RPTOR: variants seen among roughly 807,000 people sequenced by gnomAD.
RPTOR encodes the protein regulatory associated protein of MTOR complex 1.
RPTOR carries 21 observed loss-of-function variants against 169.9 expected under a neutral mutation model. The observed-to-expected ratio is 0.12, with a 90% CI of 0.09 to 0.18. RPTOR has a LOEUF of 0.18. Among genes scored for constraint, RPTOR ranks in the 10% least tolerant of loss-of-function variants. RPTOR has a pLI of 1.00. For synonymous variants in RPTOR, 732 were observed against 753.2 expected (o/e 0.97, Z 0.46); for missense variants, 1,133 against 1,855.9 (o/e 0.61, Z 7.16).
At position 80,908,949 on chromosome 17, in the gene RPTOR, C is replaced by CA; in HGVS notation, c.2520+21dup. 1 of 1,538,138 alleles carries CA rather than the reference C, an allele frequency of 6.5e-7. No homozygotes were observed. The highest frequency in any genetic ancestry group is 1.1e-5 in the South Asian group (1 of 89,384). On this transcript the variant is annotated intron_variant, in intron 21 of 33. Transcript: ENST00000306801. ...TACAAGGTACGTGCCGGGCGCTCCC[C>CA]ACCGCGCTCCAGCTGCTGGTTCTCG... is the stretch of plus-strand genomic sequence containing the variant.
Position 80,545,757 on chromosome 17 carries a change from A to G in RPTOR, c.128A>G (p.Lys43Arg), listed in dbSNP as rs749504457. ...KRHCEKIEGS[K>R]SLAQSWRMKD... ...CACTGTGAGAAAATTGAAGGCTCCA[A>G]ATCCTTAGCTCAGAGCTGGAGGATG... The change falls in exon 1 of 34, where the codon AAA becomes AGA. Residue 43 changes from lysine (K) to arginine (R), a missense_variant. Physicochemically the swap from Lys to Arg is conservative, Grantham distance 26. This residue lies in a region of RPTOR where 47 missense variants were observed against 59.5 expected (regional missense o/e 0.79). Transcript: ENST00000306801. The G allele has an allele frequency of 2.5e-5, 40 of 1,613,708 alleles. No individual in the cohort carries two copies. Among genetic ancestry groups the G allele is most frequent in the Non-Finnish European group, 3.2e-5 (38 of 1,179,882 alleles).
At position 80,730,565 on chromosome 17, in the gene RPTOR, C is replaced by T. The variant is rs1265925108; in HGVS notation, c.513C>T (p.Tyr171=). ...GCACTTTGTGTGTTTTCTAGAACTA[C>T]ACGCAGTACATCCCTCTGTCCATAT... ...NGEVWVFNKN[Y]TQYIPLSIYD... is the part of the protein sequence containing the mutation. The change falls in exon 5 of 34, where the codon TAC becomes TAT. Residue 171 remains tyrosine (Y), a synonymous_variant. Coordinates refer to ENST00000306801, the MANE Select transcript of RPTOR (RefSeq NM_020761.3). This position sits in a 1 kb window ranked among gnomAD's most constrained non-coding sequence, Gnocchi z 4.2. The T allele has an allele frequency of 2.9e-5, 46 of 1,613,732 alleles. No individual in the cohort carries two copies. The highest frequency in any genetic ancestry group is 3.8e-5 in the Non-Finnish European group (45 of 1,179,712).
chr17:80,635,707 G>A (rs2065500800), intron 2 of RPTOR, among the ~76,000 whole-genome samples: 1 of 152,182 alleles, frequency 6.6e-6, no homozygotes, highest in African/African-American at 2.4e-5. Context: ...TGCCAAAGAG[G>A]AGGACCAGGG....
chr17:80,664,546 C>G (rs1346639009), intron 3 of RPTOR, among the ~76,000 whole-genome samples: 1 of 152,120 alleles, frequency 6.6e-6, no homozygotes, highest in East Asian at 1.9e-4. Context: ...CTTCCTCACC[C>G]CACTCTTCCC....
chr17:80,712,052 T>A (rs568283251), intron 4 of RPTOR, among the ~76,000 whole-genome samples: 2 of 152,282 alleles, frequency 1.3e-5, no homozygotes, highest in African/African-American at 4.8e-5. Context: ...CAGTCTTTTT[T>A]AAAATAATAG....
intron 1 of RPTOR, among the ~76,000 whole-genome samples, chr17:80,598,882 T>TTCAATCTATCTATCTA (rs1555593591): frequency 3.4e-5 from 5 of 146,758 alleles, no homozygotes; most frequent in African/African-American, 1.3e-4. Flanking sequence ...TCTTGATTCT[T>TTCAATCTATCTATCTA]TCTATCTATC....
At chr17:80,780,790 C>G (rs1408157933) in intron 6 of RPTOR, among the ~76,000 whole-genome samples, 1 of 152,168 alleles carries the variant, frequency 6.6e-6, no homozygotes, top group Non-Finnish European at 1.5e-5. Context: ...GGGGGCCTCA[C>G]TCACACAGCC....
chr17:80,665,967 C>T (rs1056985507), intron 3 of RPTOR, among the ~76,000 whole-genome samples: 3 of 152,212 alleles, frequency 2.0e-5, no homozygotes, highest in African/African-American at 7.2e-5. Flanking sequence ...CTCTCCCTCC[C>T]ATCTGCCTGT....
intron 28 of RPTOR, among the ~76,000 whole-genome samples, chr17:80,953,535 C>T (rs117045048): frequency 0.039 from 5,871 of 152,342 alleles, 181 homozygotes; most frequent in Non-Finnish European, 0.054. Context: ...AGAGTGGGGC[C>T]TCAGGGCCTC....
intron 2 of RPTOR, among the ~76,000 whole-genome samples, chr17:80,642,566 G>A (rs909474464): frequency 6.6e-6 from 1 of 152,150 alleles, no homozygotes; most frequent in African/African-American, 2.4e-5. Flanking sequence ...GATGATCAAT[G>A]CATGATGATA....
chr17:80,847,336 A>G (rs1008032420), intron 11 of RPTOR, among the ~76,000 whole-genome samples: 2 of 152,236 alleles, frequency 1.3e-5, no homozygotes, highest in South Asian at 2.1e-4. Flanking sequence ...ATGGGAGGCC[A>G]TGGAAATTGA....
At position 80,846,454 on chromosome 17, in the gene RPTOR, T is replaced by C. The variant is rs2067731681; in HGVS notation, c.1213-19T>C. ...TGGGAACATGGCCCTAACAAGCACC[T>C]GTTCTGCTTGCCCCGCAGCACAGCC... On this transcript the variant is annotated intron_variant, in intron 10 of 33. Transcript: ENST00000306801. 7.4e-6 allele frequency: 12 copies of C among 1,611,538 alleles called. No homozygotes were observed. The highest frequency in any genetic ancestry group is 2.2e-5 in the South Asian group (2 of 91,024).
At chr17:80,744,827 A>T (rs1419382793) in intron 5 of RPTOR, among the ~76,000 whole-genome samples, 133 of 17,986 alleles carry the variant, frequency 7.4e-3, no homozygotes, top group Admixed American at 0.019. Context: ...CTACTAGCAC[A>T]GCCCTGGTTA....
intron 6 of RPTOR, among the ~76,000 whole-genome samples, chr17:80,764,878 A>G (rs2066771160): frequency 6.6e-6 from 1 of 152,188 alleles, no homozygotes; most frequent in African/African-American, 2.4e-5. Context: ...ATGGTATCTC[A>G]TTGTGGTTTT....
intron 2 of RPTOR, among the ~76,000 whole-genome samples, chr17:80,630,471 T>TATGTATGTATGCATGC: frequency 6.6e-6 from 1 of 152,348 alleles, no homozygotes; most frequent in African/African-American, 2.4e-5. Context: ...TATAAGTATG[T>TATGTATGTATGCATGC]ATGTATGTAT....
chr17:80,880,508 G>A lies in RPTOR; in HGVS notation c.1584+19G>A, dbSNP rs779575537. 3 of 1,611,570 alleles carry A rather than the reference G, an allele frequency of 1.9e-6. No homozygotes were observed. The highest frequency in any genetic ancestry group is 1.7e-5 in the Admixed American group (1 of 59,984). Reference sequence around the variant, plus strand: ...CATGCCAGTAAGGACGGGGCAGCACGCTCTCCACGGGCTTGGGACTCAGCA... The same window carrying A: ...CATGCCAGTAAGGACGGGGCAGCACACTCTCCACGGGCTTGGGACTCAGCA... On this transcript the variant is annotated intron_variant, in intron 14 of 33. Coordinates refer to ENST00000306801, the MANE Select transcript of RPTOR (RefSeq NM_020761.3).
chr17:80,638,859 G>A lies in RPTOR; in HGVS notation c.266-4869G>A, dbSNP rs973898197. 2.0e-4 allele frequency among the ~76,000 whole-genome samples: 30 copies of A among 152,166 alleles called. 1 individual carries two copies. The highest frequency in any genetic ancestry group is 4.4e-5 in the Non-Finnish European group (3 of 68,028). On this transcript the variant is annotated intron_variant, in intron 2 of 33. Coordinates refer to ENST00000306801, the MANE Select transcript of RPTOR (RefSeq NM_020761.3). The stretch of plus-strand genomic sequence containing the variant: ...ATAGGCAACACAGGAACGTAATTTT[G>A]TAGCTATGTGAGGAGTGAGGCCTAG...
intron 21 of RPTOR, chr17:80,909,757 G>C (rs1254992192): frequency 3.3e-5 from 5 of 152,124 alleles, no homozygotes; most frequent in Non-Finnish European, 5.9e-5. Context: ...TCTAGCTCAA[G>C]GGAACTTTTC....
At chr17:80,807,951 G>A (rs2067236050) in intron 7 of RPTOR, among the ~76,000 whole-genome samples, 2 of 152,060 alleles carry the variant, frequency 1.3e-5, no homozygotes, top group South Asian at 4.1e-4. Context: ...GTGGTCCTTG[G>A]GCCATAGTTT....
Sources: allele counts gnomAD v4.1 joint callset (sites outside exome capture counted in the v4.1 genomes callset), GRCh38; gene constraint gnomAD v4.1.1; regional missense constraint gnomAD v4.1.1; non-coding constraint Gnocchi (gnomAD v3.1); transcripts MANE v1.5; gene names NCBI Gene and HGNC (gene_info 2026-07-23, HGNC 2026-07-21).